INPP5A: variants seen among roughly 807,000 people sequenced by gnomAD.
INPP5A encodes the protein inositol polyphosphate-5-phosphatase A.
INPP5A carries 14 observed loss-of-function variants against 65.2 expected under a neutral mutation model. That is an observed-to-expected ratio of 0.21 (90% CI 0.14 to 0.34). The LOEUF (loss-of-function observed/expected upper bound fraction) is 0.34, where lower values mean the gene tolerates loss of function less well. Ranked by LOEUF, INPP5A falls within the 10% of genes least tolerant of loss-of-function variation. INPP5A has a pLI of 1.00. For missense variants in INPP5A, 431 were observed against 545.6 expected, an observed-to-expected ratio of 0.79 and a Z score of 2.09; for synonymous variants, 207 against 208.3, an observed-to-expected ratio of 0.99 and a Z score of 0.05.
At chr10:132,687,126 G>C (rs1282856380) in intron 4 of INPP5A, among the ~76,000 whole-genome samples, 2 of 152,124 alleles carry the variant, frequency 1.3e-5, no homozygotes, top group East Asian at 1.9e-4. Flanking sequence ...TGTACTTTTA[G>C]TAAAGACGGG....
intron 3 of INPP5A, among the ~76,000 whole-genome samples, chr10:132,646,422 C>T (rs1024200729): frequency 3.3e-5 from 5 of 152,284 alleles, no homozygotes; most frequent in African/African-American, 1.2e-4. Flanking sequence ...TGTACATGCC[C>T]TGAGGCTTCT....
intron 1 of INPP5A, among the ~76,000 whole-genome samples, chr10:132,578,473 C>G (rs1207546893): frequency 6.7e-6 from 1 of 149,784 alleles, no homozygotes; most frequent in Non-Finnish European, 1.5e-5. Context: ...ACTGGAGCAG[C>G]TCTGTCAGGA....
In INPP5A at chr10:132,681,484, A is replaced by T. The variant is rs147843834; in HGVS notation, c.307-8908A>T. 1.7e-3 allele frequency among the ~76,000 whole-genome samples: 260 copies of T among 152,298 alleles called. 2 individuals are homozygous for T. The highest frequency in any genetic ancestry group is 6.0e-3 in the African/African-American group (248 of 41,552). On this transcript the variant is annotated intron_variant, in intron 4 of 15. Transcript: ENST00000368594. ...CGAACACATCTGAACATCAGAAGGA[A>T]CAAACCCCGGACACGCCGCCTTTAA...
rs554190715 is a variant in INPP5A, at chr10:132,663,230, A to C, written c.306+12725A>C. Among the ~76,000 whole-genome samples the C allele has an allele frequency of 1.3e-5, 2 of 152,238 alleles. No homozygotes were observed. The highest frequency in any genetic ancestry group is 4.2e-4 in the South Asian group (2 of 4,818). ...AAAGACTTTCTTCTCGTTAAATCTT[A>C]TTTTATTTTGACACAGGATGTCACT... On this transcript the variant is annotated intron_variant, in intron 4 of 15. Transcript: ENST00000368594. This position sits in a 1 kb window ranked among gnomAD's most constrained non-coding sequence, Gnocchi z 4.5.
intron 1 of INPP5A, among the ~76,000 whole-genome samples, chr10:132,590,984 C>T (rs1017676258): frequency 1.3e-5 from 2 of 152,262 alleles, no homozygotes; most frequent in Middle Eastern, 3.4e-3. Flanking sequence ...CTCTGGGGGC[C>T]CAGGCTGCTG....
chr10:132,623,543 C>A (rs1303691351), intron 2 of INPP5A, among the ~76,000 whole-genome samples: 3 of 151,784 alleles, frequency 2.0e-5, no homozygotes, highest in African/African-American at 2.4e-5. Context: ...TACAAAAGTT[C>A]TAGAAGGAAA....
At chr10:132,752,824 C>T (rs1033370365) in intron 11 of INPP5A, among the ~76,000 whole-genome samples, 19 of 152,070 alleles carry the variant, frequency 1.2e-4, no homozygotes, top group Admixed American at 3.3e-4. Context: ...CCCCTGCTGT[C>T]GGTAGCCACC....
chr10:132,686,483 A>G (rs1236332158), intron 4 of INPP5A, among the ~76,000 whole-genome samples: 1 of 152,232 alleles, frequency 6.6e-6, no homozygotes, highest in East Asian at 1.9e-4. Flanking sequence ...TCCTGTCGGC[A>G]GGCCCCGGAC....
At chr10:132,595,181 C>T (rs1043141230) in intron 1 of INPP5A, among the ~76,000 whole-genome samples, 5 of 152,154 alleles carry the variant, frequency 3.3e-5, no homozygotes, top group Admixed American at 1.3e-4. Flanking sequence ...CTGGAGTCCC[C>T]GCGGACCCTC....
chr10:132,642,725 T>C (rs2072441798), intron 2 of INPP5A, among the ~76,000 whole-genome samples: 1 of 152,188 alleles, frequency 6.6e-6, no homozygotes, highest in Admixed American at 6.5e-5. Flanking sequence ...TTTAAATTAG[T>C]GGGACCGTTT....
chr10:132,677,586 A>G (rs2072983886), intron 4 of INPP5A, among the ~76,000 whole-genome samples: 1 of 152,210 alleles, frequency 6.6e-6, no homozygotes, highest in South Asian at 2.1e-4. Flanking sequence ...CCCCCTTTGG[A>G]GAAGCCTGCC....
Position 132,698,060 on chromosome 10 carries a change from G to A in INPP5A, c.474+141G>A, listed in dbSNP as rs1845374414. 2 of 658,852 alleles carry A rather than the reference G, an allele frequency of 3.0e-6. No individual in the cohort carries two copies. Among genetic ancestry groups the A allele is most frequent in the Non-Finnish European group, 5.5e-6 (2 of 360,954 alleles). The allele number at this position is 658,852 out of a possible 1,614,324, so 40.8% of individuals were successfully genotyped here. A position where few individuals can be genotyped will look rare whatever the true frequency, so the allele number is the denominator to read the frequency against. On this transcript the variant is annotated intron_variant, in intron 6 of 15. Coordinates refer to ENST00000368594, the MANE Select transcript of INPP5A (RefSeq NM_005539.5). This position sits in a 1 kb window ranked among gnomAD's most constrained non-coding sequence, Gnocchi z 5.5. The stretch of plus-strand genomic sequence containing the variant: ...TACCTCCGATAATCTGTCTTCCTGG[G>A]AGTCCAGGCTTCTGTGGTTGGTCTG...
chr10:132,766,057 T>C (rs1846836961), intron 12 of INPP5A, among the ~76,000 whole-genome samples: 1 of 152,202 alleles, frequency 6.6e-6, no homozygotes, highest in Non-Finnish European at 1.5e-5. Flanking sequence ...TGTGTGAACG[T>C]ATGCGTCTGT....
chr10:132,578,670 G>A (rs1012159026), intron 1 of INPP5A, among the ~76,000 whole-genome samples: 54 of 151,476 alleles, frequency 3.6e-4, no homozygotes, highest in Non-Finnish European at 2.8e-4. Context: ...TTCAGGGGAG[G>A]AGAGTATGTG....
At chr10:132,595,711 G>T (rs570725301) in intron 1 of INPP5A, among the ~76,000 whole-genome samples, 15 of 152,202 alleles carry the variant, frequency 9.9e-5, no homozygotes, top group African/African-American at 3.6e-4. Flanking sequence ...TTCCGTGGAC[G>T]CCCTGTGTAA....
Position 132,780,808 on chromosome 10 carries a change from C to T in INPP5A, c.1090-41C>T, listed in dbSNP as rs1847147262. On this transcript the variant is annotated intron_variant, in intron 13 of 15. Coordinates refer to ENST00000368594, the MANE Select transcript of INPP5A (RefSeq NM_005539.5). ...TCAGCTCCCAACTGGACCCAGGGTG[C>T]CCCACCTCCCCACACTCACCTGTCT... 3.9e-6 allele frequency: 6 copies of T among 1,555,524 alleles called. No homozygotes were observed. In the East Asian group the frequency reaches 9.0e-5, roughly 23 times the overall value.
chr10:132,579,784 G>C (rs1259190040), intron 1 of INPP5A, among the ~76,000 whole-genome samples: 1 of 152,030 alleles, frequency 6.6e-6, no homozygotes, highest in Non-Finnish European at 1.5e-5. Flanking sequence ...AGATTGAGCA[G>C]GTTTTTAATT....
At position 132,644,753 on chromosome 10, in the gene INPP5A, C is replaced by T. The variant is rs927471612; in HGVS notation, c.118-1115C>T. 3.9e-5 allele frequency among the ~76,000 whole-genome samples: 6 copies of T among 152,254 alleles called. No homozygotes were observed. The highest frequency in any genetic ancestry group is 1.9e-4 in the East Asian group (1 of 5,196). ...CGGGGCTTGCTCCTTGGAAGCGCTGCGCATCCTGTGTTCCAGGGGAGCGGG... is the reference window on the plus strand; with the variant it reads ...CGGGGCTTGCTCCTTGGAAGCGCTGTGCATCCTGTGTTCCAGGGGAGCGGG... On this transcript the variant is annotated intron_variant, in intron 2 of 15. Coordinates refer to ENST00000368594, the MANE Select transcript of INPP5A (RefSeq NM_005539.5). This position sits in a 1 kb window ranked among gnomAD's most constrained non-coding sequence, Gnocchi z 6.5.
intron 1 of INPP5A, among the ~76,000 whole-genome samples, chr10:132,585,395 C>A (rs2071534195): frequency 6.6e-6 from 1 of 152,218 alleles, no homozygotes; most frequent in South Asian, 2.1e-4. Context: ...CATGTAACTT[C>A]TTTTGCCGTA....
Sources: allele counts gnomAD v4.1 joint callset (sites outside exome capture counted in the v4.1 genomes callset), GRCh38; gene constraint gnomAD v4.1.1; non-coding constraint Gnocchi (gnomAD v3.1); transcripts MANE v1.5; gene names NCBI Gene and HGNC (gene_info 2026-07-23, HGNC 2026-07-21).